The following RGS7 variants were observed in gnomAD, a reference collection of about 807,000 sequenced individuals.
RGS7 encodes regulator of G-protein signaling 7.
Under a neutral mutation model 81.1 loss-of-function variants are expected in RGS7, and 27 were observed. The observed-to-expected ratio is 0.33, with a 90% confidence interval of 0.25 to 0.46. RGS7 has a LOEUF of 0.46. RGS7 is among the 20% of genes least tolerant of loss of function. The pLI is 1.00. For synonymous variants in RGS7, 208 were observed against 207.7 expected (o/e 1.00, Z -0.01); for missense variants, 396 against 607.4 (o/e 0.65, Z 3.66).
intron 18 of RGS7, among the ~76,000 whole-genome samples, chr1:240,779,330 A>G (rs1043709725): frequency 7.2e-5 from 11 of 151,904 alleles, no homozygotes; most frequent in African/African-American, 2.7e-4. Flanking sequence ...CTAATTTTGT[A>G]CTTTTAGTAG....
At chr1:241,209,437 G>A (rs896584743) in intron 2 of RGS7, among the ~76,000 whole-genome samples, 2 of 152,108 alleles carry the variant, frequency 1.3e-5, no homozygotes, top group African/African-American at 2.4e-5. Flanking sequence ...ATAAGACTTA[G>A]GAGTTTTAAT....
chr1:240,793,148 A>G (rs1686304029), intron 18 of RGS7, among the ~76,000 whole-genome samples: 3 of 152,186 alleles, frequency 2.0e-5, no homozygotes, highest in Admixed American at 2.0e-4. Context: ...GCAGCCCCAC[A>G]GCATTCCTTA....
At chr1:240,889,908 G>A (rs1668006568) in intron 6 of RGS7, among the ~76,000 whole-genome samples, 1 of 152,034 alleles carries the variant, frequency 6.6e-6, no homozygotes, top group Admixed American at 6.5e-5. Context: ...GGTGGTTCGC[G>A]GATGCTACCA....
chr1:241,293,459 G>T (rs1573538688), intron 2 of RGS7, among the ~76,000 whole-genome samples: 1 of 152,132 alleles, frequency 6.6e-6, no homozygotes, highest in South Asian at 2.1e-4. Context: ...CATAGGAGAT[G>T]ACAGCTCCAT....
intron 3 of RGS7, among the ~76,000 whole-genome samples, chr1:241,081,495 A>G (rs2063134305): frequency 6.6e-6 from 1 of 152,266 alleles, no homozygotes; most frequent in African/African-American, 2.4e-5. Context: ...TATTTGGGGT[A>G]GAAATGTATT....
intron 4 of RGS7, among the ~76,000 whole-genome samples, chr1:240,976,447 C>T (rs1442123504): frequency 6.6e-6 from 1 of 152,128 alleles, no homozygotes; most frequent in African/African-American, 2.4e-5. Flanking sequence ...TGGCCAAACA[C>T]CAGTCTAGAT....
At chr1:241,001,255 T>C in intron 3 of RGS7, among the ~76,000 whole-genome samples, 1 of 152,196 alleles carries the variant, frequency 6.6e-6, no homozygotes, top group East Asian at 1.9e-4. Context: ...TGTTAGCATC[T>C]CTTCCATCCA....
At chr1:241,258,622 AG>A (rs1355727945) in intron 2 of RGS7, among the ~76,000 whole-genome samples, 1 of 152,326 alleles carries the variant, frequency 6.6e-6, no homozygotes, top group East Asian at 1.9e-4. Context: ...TGCTTCTATT[AG>A]TAAAGACCAA....
intron 3 of RGS7, among the ~76,000 whole-genome samples, chr1:241,088,336 C>A (rs528950340): frequency 1.3e-5 from 2 of 151,884 alleles, no homozygotes; most frequent in Middle Eastern, 6.8e-3. Context: ...TCAGAACACG[C>A]CACCAAAAAA....
intron 2 of RGS7, among the ~76,000 whole-genome samples, chr1:241,171,843 A>G (rs906244592): frequency 1.2e-4 from 19 of 152,192 alleles, no homozygotes; most frequent in Admixed American, 7.2e-4. Context: ...AGCAGGTGAA[A>G]AAACAAAACA....
At chr1:241,147,126 G>A (rs1035797156) in intron 2 of RGS7, among the ~76,000 whole-genome samples, 7 of 151,984 alleles carry the variant, frequency 4.6e-5, no homozygotes, top group East Asian at 1.9e-4. Context: ...AGCCTGTCAC[G>A]TGAAATTAAT....
chr1:241,162,376 AAC>A (rs1455965465), intron 2 of RGS7, among the ~76,000 whole-genome samples: 4 of 152,210 alleles, frequency 2.6e-5, no homozygotes, highest in Non-Finnish European at 4.4e-5. Context: ...AACTTCAGTA[AAC>A]ACACTGCGCA....
chr1:241,238,597 C>T lies in RGS7; in HGVS notation c.78+117102G>A, dbSNP rs76464353. On this transcript the variant is annotated intron_variant, in intron 2 of 18. Transcript: ENST00000440928. ...CACCCAGGGCTGGAGTGCAGTGGTA[C>T]AATTATAGCTCACCGTAGCCTCGAA... Among the ~76,000 whole-genome samples, 38 of 152,106 alleles carry T rather than the reference C, an allele frequency of 2.5e-4. No homozygotes were observed. The East Asian group carries it at 7.2e-3, about 29-fold the overall frequency.
chr1:240,866,979 AAC>A (rs1230265715), intron 9 of RGS7, among the ~76,000 whole-genome samples: 2 of 152,228 alleles, frequency 1.3e-5, no homozygotes, highest in African/African-American at 4.8e-5. Context: ...ACAGGAACAT[AAC>A]ACATTGACTG....
At chr1:241,073,658 A>G (rs1206668794) in intron 3 of RGS7, among the ~76,000 whole-genome samples, 1 of 152,164 alleles carries the variant, frequency 6.6e-6, no homozygotes, top group East Asian at 1.9e-4. Flanking sequence ...AGCATGCACC[A>G]CCCAGGCTTA....
chr1:240,940,252 A>C (rs1286713420), intron 4 of RGS7, among the ~76,000 whole-genome samples: 5 of 152,066 alleles, frequency 3.3e-5, no homozygotes, highest in Admixed American at 3.3e-4. Flanking sequence ...TGTTTGTCTA[A>C]AAAGTATAGA....
chr1:241,220,488 T>C (rs950782024), intron 2 of RGS7, among the ~76,000 whole-genome samples: 1 of 152,170 alleles, frequency 6.6e-6, no homozygotes, highest in Non-Finnish European at 1.5e-5. Context: ...AGTCTATCAC[T>C]GAGAGAAAAT....
chr1:241,087,015 T>C (rs912407972), intron 3 of RGS7, among the ~76,000 whole-genome samples: 2 of 152,208 alleles, frequency 1.3e-5, no homozygotes, highest in Non-Finnish European at 2.9e-5. Context: ...TTTACCTCTA[T>C]TGTGGAAATT....
chr1:240,784,464 C>A (rs1684695890), intron 18 of RGS7, among the ~76,000 whole-genome samples: 1 of 151,296 alleles, frequency 6.6e-6, no homozygotes, highest in African/African-American at 2.4e-5. Context: ...CACAGTGAAA[C>A]CTCGTCTCTA....
Sources: allele counts gnomAD v4.1 joint callset (sites outside exome capture counted in the v4.1 genomes callset), GRCh38; gene constraint gnomAD v4.1.1; transcripts MANE v1.5; gene names NCBI Gene and HGNC (gene_info 2026-07-23, HGNC 2026-07-21).